GABRG3: variants seen among roughly 807,000 people sequenced by gnomAD.
The protein encoded by GABRG3 is gamma-aminobutyric acid type A receptor subunit gamma3, also known as gamma-aminobutyric acid receptor subunit gamma-3.
Under a neutral mutation model 48.8 loss-of-function variants are expected in GABRG3, and 25 were observed. The ratio of observed to expected loss-of-function variants is 0.51; its 90% CI spans 0.37 to 0.72. The LOEUF (loss-of-function observed/expected upper bound fraction) is 0.72, where lower values mean the gene tolerates loss of function less well. Ranked by LOEUF, GABRG3 falls within the 30% of genes least tolerant of loss-of-function variation. GABRG3 has a pLI of 0.00. For synonymous variants in GABRG3, 227 were observed against 217.6 expected, an observed-to-expected ratio of 1.04 and a Z score of -0.38; for missense variants, 394 against 577.9, an observed-to-expected ratio of 0.68 and a Z score of 3.26.
chr15:27,255,315 C>A (rs1042318850), intron 3 of GABRG3, among the ~76,000 whole-genome samples: 2 of 152,206 alleles, frequency 1.3e-5, no homozygotes, highest in African/African-American at 4.8e-5. Context: ...CTCCAAACAC[C>A]AAGGGTGGTA....
chr15:27,095,395 A>G (rs1897253228), intron 3 of GABRG3, among the ~76,000 whole-genome samples: 1 of 152,168 alleles, frequency 6.6e-6, no homozygotes, highest in Non-Finnish European at 1.5e-5. Flanking sequence ...CACACCCCAT[A>G]TACTTTCTTG....
chr15:27,096,290 T>G (rs1897264590), intron 3 of GABRG3, among the ~76,000 whole-genome samples: 1 of 152,230 alleles, frequency 6.6e-6, no homozygotes, highest in South Asian at 2.1e-4. Flanking sequence ...AGGAAGTCTC[T>G]GCCCTTCAGG....
chr15:27,515,677 G>C (rs1024090448), intron 6 of GABRG3, among the ~76,000 whole-genome samples: 1 of 152,140 alleles, frequency 6.6e-6, no homozygotes, highest in Non-Finnish European at 1.5e-5. Context: ...GAGACTCAAA[G>C]GATGTTTTTG....
intron 3 of GABRG3, among the ~76,000 whole-genome samples, chr15:27,079,946 A>AC (rs1464549655): frequency 1.3e-5 from 2 of 152,050 alleles, no homozygotes; most frequent in Non-Finnish European, 2.9e-5. Context: ...CTCCCAGCTC[A>AC]CTCAGTATGC....
chr15:27,112,654 G>A (rs774670414), intron 3 of GABRG3, among the ~76,000 whole-genome samples: 5 of 152,022 alleles, frequency 3.3e-5, no homozygotes, highest in African/African-American at 7.2e-5. Flanking sequence ...TGGCCAGGCT[G>A]GTCTTGAACT....
chr15:27,030,048 G>A (rs1478891931), intron 3 of GABRG3, among the ~76,000 whole-genome samples: 3 of 152,240 alleles, frequency 2.0e-5, no homozygotes, highest in South Asian at 4.1e-4. Flanking sequence ...GAGAACTGAC[G>A]GTGTAGGTGG....
At chr15:27,289,261 A>G (rs1289673348) in intron 3 of GABRG3, among the ~76,000 whole-genome samples, 1 of 146,178 alleles carries the variant, frequency 6.8e-6, no homozygotes, top group Non-Finnish European at 1.5e-5. Flanking sequence ...CGCCCATTCT[A>G]TGCCTCTACT....
chr15:27,204,445 T>C (rs7495434), intron 3 of GABRG3, among the ~76,000 whole-genome samples: 41,254 of 151,914 alleles, frequency 0.27, 6,139 homozygotes, highest in African/African-American at 0.4. Flanking sequence ...TACTTAGAGT[T>C]ATAGTATAGT....
chr15:27,063,597 G>C (rs775531542), intron 3 of GABRG3, among the ~76,000 whole-genome samples: 1 of 152,220 alleles, frequency 6.6e-6, no homozygotes, highest in Non-Finnish European at 1.5e-5. Flanking sequence ...CTCCCTAGAA[G>C]CAGATGCTTC....
intron 6 of GABRG3, among the ~76,000 whole-genome samples, chr15:27,499,481 C>T (rs1290722421): frequency 2.0e-5 from 3 of 152,204 alleles, no homozygotes; most frequent in Non-Finnish European, 4.4e-5. Context: ...GAGGATTAGG[C>T]TTGCATTTGT....
intron 3 of GABRG3, among the ~76,000 whole-genome samples, chr15:27,286,841 G>A (rs922617239): frequency 5.9e-5 from 9 of 152,106 alleles, no homozygotes; most frequent in Admixed American, 2.6e-4. Context: ...CTTTTTAGAC[G>A]TGTCCCTGCA....
At chr15:27,353,225 A>G (rs1894689392) in intron 5 of GABRG3, among the ~76,000 whole-genome samples, 2 of 152,028 alleles carry the variant, frequency 1.3e-5, no homozygotes, top group South Asian at 2.1e-4. Context: ...CTCACTGGGA[A>G]CAAAAGGCCA....
intron 5 of GABRG3, among the ~76,000 whole-genome samples, chr15:27,408,214 A>C (rs1887695561): frequency 6.6e-6 from 1 of 152,206 alleles, no homozygotes; most frequent in Admixed American, 6.5e-5. Context: ...GAAAATTATT[A>C]AATGCAGGTT....
At chr15:27,280,029 T>C (rs899420064) in intron 3 of GABRG3, among the ~76,000 whole-genome samples, 5 of 152,142 alleles carry the variant, frequency 3.3e-5, no homozygotes, top group African/African-American at 1.2e-4. Context: ...AGGTTTGTTA[T>C]TTATATTGCA....
intron 3 of GABRG3, among the ~76,000 whole-genome samples, chr15:27,254,229 G>A (rs1327599837): frequency 1.3e-5 from 2 of 152,150 alleles, no homozygotes; most frequent in African/African-American, 4.8e-5. Context: ...AGGTGGGGAT[G>A]CAGGCTGGGG....
intron 2 of GABRG3, among the ~76,000 whole-genome samples, chr15:27,013,228 A>G (rs1895721090): frequency 6.6e-6 from 1 of 152,112 alleles, no homozygotes. Context: ...TCATCCACCT[A>G]GTAGAACATG....
intron 3 of GABRG3, among the ~76,000 whole-genome samples, chr15:27,173,341 G>A (rs1887634500): frequency 6.6e-6 from 1 of 152,212 alleles, no homozygotes; most frequent in African/African-American, 2.4e-5. Context: ...TAACAGGGCT[G>A]CAGCACTGAG....
intron 3 of GABRG3, among the ~76,000 whole-genome samples, chr15:27,283,156 A>G (rs192977484): frequency 6.6e-6 from 1 of 152,272 alleles, no homozygotes; most frequent in Non-Finnish European, 1.5e-5. Flanking sequence ...CTACTGCTGG[A>G]TGGAGCTCCA....
chr15:27,540,376 G>A lies in GABRG3; in HGVS notation c.*7495G>A, dbSNP rs1327346475. ...TTTTCACTAAAATACATGCATCTTT[G>A]GAAACTGCAAATTTTGTGAGCTCAA... On this transcript the variant is annotated 3_prime_UTR_variant, in exon 10 of 10. Coordinates refer to ENST00000615808, the MANE Select transcript of GABRG3 (RefSeq NM_033223.5). 1 of 151,690 alleles carries A rather than the reference G, an allele frequency of 6.6e-6. No homozygotes were observed. The highest frequency in any genetic ancestry group is 1.9e-4 in the East Asian group (1 of 5,180). 9.4% of individuals were successfully genotyped at this position (151,690 alleles called of 1,614,324 possible). A position where few individuals can be genotyped will look rare whatever the true frequency, so the allele number is the denominator to read the frequency against.
Sources: allele counts gnomAD v4.1 joint callset (sites outside exome capture counted in the v4.1 genomes callset), GRCh38; gene constraint gnomAD v4.1.1; transcripts MANE v1.5; gene names NCBI Gene and HGNC (gene_info 2026-07-23, HGNC 2026-07-21).